Variants in APBA1 observed in about 807,000 individuals in gnomAD.
APBA1 encodes the protein amyloid beta precursor protein binding family A member 1.
In APBA1, 55 loss-of-function variants were observed where a neutral mutation model predicts 86.6. The observed-to-expected ratio is 0.64, with a 90% CI of 0.51 to 0.80. APBA1 has a LOEUF of 0.80. Ranked by LOEUF, APBA1 falls within the 30% of genes least tolerant of loss-of-function variation. The pLI is 0.00. For missense variants in APBA1, 1,090 were observed against 1,183.0 expected (o/e 0.92, Z 1.15); for synonymous variants, 511 against 493.9 (o/e 1.03, Z -0.46).
rs1005549466 is a variant in APBA1 at position 69,477,246 on chromosome 9, G to A, written c.1201-1103C>T. The stretch of plus-strand genomic sequence containing the variant: ...CACTAGGGAGTGCCAGACAGTGGGC[G>A]CAGGTCAGTGGGTGCGCGCACCGTG... On this transcript the variant is annotated intron_variant, in intron 2 of 12. Coordinates refer to ENST00000265381, the MANE Select transcript of APBA1 (RefSeq NM_001163.4). 1.6e-4 allele frequency among the ~76,000 whole-genome samples: 25 copies of A among 151,704 alleles called. No homozygotes were observed. In the South Asian group the frequency reaches 2.9e-3, roughly 18 times the overall value.
intron 1 of APBA1, among the ~76,000 whole-genome samples, chr9:69,557,515 C>T (rs1304544442): frequency 6.6e-6 from 1 of 152,174 alleles, no homozygotes; most frequent in Admixed American, 6.6e-5. Flanking sequence ...CCTCCTGCTG[C>T]CCTGTTGCCT....
intron 2 of APBA1, among the ~76,000 whole-genome samples, chr9:69,482,953 A>T (rs1162485833): frequency 1.8e-5 from 2 of 114,084 alleles, no homozygotes; most frequent in African/African-American, 7.0e-5. Flanking sequence ...GGAATATCAC[A>T]CTCTGGGGAC....
intron 1 of APBA1, among the ~76,000 whole-genome samples, chr9:69,647,256 A>C (rs186161143): frequency 1.3e-5 from 2 of 152,328 alleles, no homozygotes; most frequent in East Asian, 3.9e-4. Context: ...AAGCTTATTC[A>C]TTGATGTTAA....
At chr9:69,432,357 T>A (rs1429880442) in intron 12 of APBA1, among the ~76,000 whole-genome samples, 179 bp downstream of exon 12, 1 of 152,196 alleles carries the variant, frequency 6.6e-6, no homozygotes, top group Non-Finnish European at 1.5e-5. Context: ...AGCTCCCAGA[T>A]AACTGCTTGC....
At chr9:69,578,959 T>C (rs111590340) in intron 1 of APBA1, among the ~76,000 whole-genome samples, 208 of 152,278 alleles carry the variant, frequency 1.4e-3, no homozygotes, top group African/African-American at 4.5e-3. Flanking sequence ...TGTCAAAAAC[T>C]GCACTACAGG....
intron 1 of APBA1, among the ~76,000 whole-genome samples, chr9:69,537,557 G>A (rs1050220865): frequency 6.6e-6 from 1 of 152,076 alleles, no homozygotes; most frequent in African/African-American, 2.4e-5. Flanking sequence ...CTGGAAAGGA[G>A]GGAAGGAGGG....
At chr9:69,556,079 A>G (rs1836855837) in intron 1 of APBA1, among the ~76,000 whole-genome samples, 1 of 152,186 alleles carries the variant, frequency 6.6e-6, no homozygotes, top group African/African-American at 2.4e-5. Flanking sequence ...AGCTACTTAA[A>G]CACAAAAGCA....
rs1224519262 is a variant in APBA1, at chr9:69,517,202, G to A, written c.9C>T (p.His3=). The A allele has an allele frequency of 2.7e-6, 4 of 1,490,524 alleles. No individual in the cohort carries two copies. Among genetic ancestry groups the A allele is most frequent in the East Asian group, 2.4e-5 (1 of 40,866 alleles). The allele number at this position is 1,490,524 out of a possible 1,614,324, so 92.3% of individuals were successfully genotyped here. A position where few individuals can be genotyped will look rare whatever the true frequency, so the allele number is the denominator to read the frequency against. The stretch of plus-strand genomic sequence containing the variant: ...CCTCCACCTCCGCAGACCCCTCCAA[G>A]TGGTTCATGGTGGGAGTCGGAACGG... The part of the protein sequence containing the change: MN[H]LEGSAEVEVT... Residue 3 remains histidine (H), a synonymous_variant, in exon 2 of 13, where the codon CAC becomes CAT. Coordinates refer to ENST00000265381, the MANE Select transcript of APBA1 (RefSeq NM_001163.4).
At chr9:69,662,647 A>C (rs1273642739) in intron 1 of APBA1, among the ~76,000 whole-genome samples, 1 of 152,240 alleles carries the variant, frequency 6.6e-6, no homozygotes, top group Non-Finnish European at 1.5e-5. Flanking sequence ...CTATTTTCAC[A>C]TCTGGGAAGA....
chr9:69,451,983 G>C (rs964591006), intron 9 of APBA1, 139 bp downstream of exon 9: 6 of 790,806 alleles, frequency 7.6e-6, no homozygotes, highest in Admixed American at 6.7e-5. Context: ...GAGAGATGGG[G>C]GTGAACGACT....
chr9:69,663,566 T>G (rs1588418896), intron 1 of APBA1, among the ~76,000 whole-genome samples: 1 of 152,240 alleles, frequency 6.6e-6, no homozygotes, highest in Non-Finnish European at 1.5e-5. Flanking sequence ...AAAGTGTGCC[T>G]GTTAATAAAT....
intron 1 of APBA1, among the ~76,000 whole-genome samples, chr9:69,643,334 A>C (rs1364829557): frequency 6.6e-6 from 1 of 152,158 alleles, no homozygotes; most frequent in Non-Finnish European, 1.5e-5. Flanking sequence ...CCTGGCATAC[A>C]ATGGGGTCAG....
chr9:69,495,198 C>T (rs751942504), intron 2 of APBA1, among the ~76,000 whole-genome samples: 2 of 152,042 alleles, frequency 1.3e-5, no homozygotes, highest in Non-Finnish European at 2.9e-5. Flanking sequence ...GGGTAATGCA[C>T]ACTCCCCCTC....
At chr9:69,464,895 A>G (rs778448868) in intron 5 of APBA1, 5 of 152,214 alleles carry the variant, frequency 3.3e-5, no homozygotes, top group Non-Finnish European at 7.3e-5. Context: ...GAGGGCTAAT[A>G]AACAAGGTGT....
At chr9:69,456,915 C>T in intron 7 of APBA1, 138 bp downstream of exon 7, 1 of 689,856 alleles carries the variant, frequency 1.4e-6, no homozygotes, top group Admixed American at 2.7e-5. Context: ...GCACTGTGAA[C>T]ACCACCTTCT....
At chr9:69,621,282 C>T (rs79012425) in intron 1 of APBA1, among the ~76,000 whole-genome samples, 1,792 of 152,238 alleles carry the variant, frequency 0.012, 20 homozygotes, top group African/African-American at 0.036. Context: ...TGTAAGATTA[C>T]GTGAATTATA....
intron 1 of APBA1, among the ~76,000 whole-genome samples, chr9:69,653,040 C>T (rs11139605): frequency 0.22 from 34,029 of 151,340 alleles, 4,145 homozygotes; most frequent in African/African-American, 0.29. Flanking sequence ...AAACAAGACT[C>T]TGTGTTGGCT....
At chr9:69,467,376 A>T (rs1338736589) in intron 5 of APBA1, among the ~76,000 whole-genome samples, 5 of 152,206 alleles carry the variant, frequency 3.3e-5, no homozygotes, top group African/African-American at 4.8e-5. Context: ...TTTTCCTTGA[A>T]GCAAGCAAGT....
intron 2 of APBA1, among the ~76,000 whole-genome samples, chr9:69,487,579 C>G (rs7033682): frequency 0.24 from 36,477 of 151,862 alleles, 5,419 homozygotes; most frequent in African/African-American, 0.41. Context: ...CATGAGAGCT[C>G]TACCCTCATG....
Sources: gnomAD v4.1 joint callset for allele counts (sites outside exome capture counted in the v4.1 genomes callset) on GRCh38, gnomAD v4.1.1 for gene constraint, MANE v1.5 for transcripts, NCBI Gene and HGNC (gene_info 2026-07-23, HGNC 2026-07-21) for gene names.